PRKCI: variants seen among roughly 807,000 people sequenced by gnomAD.
The protein encoded by PRKCI is protein kinase C iota, also known as protein kinase C iota type.
Under a neutral mutation model 84.0 loss-of-function variants are expected in PRKCI, and 43 were observed. That is an observed-to-expected ratio of 0.51 (90% CI 0.40 to 0.66). The LOEUF (loss-of-function observed/expected upper bound fraction) is 0.66, where lower values mean the gene tolerates loss of function less well. PRKCI is among the 30% of genes least tolerant of loss of function. The pLI is 0.00. For synonymous variants in PRKCI, 216 were observed against 234.4 expected (o/e 0.92, Z 0.72); for missense variants, 459 against 745.6 (o/e 0.62, Z 4.48).
chr3:170,270,326 T>C, intron 5 of PRKCI, 95 bp from the exon 6 acceptor site: 1 of 1,231,198 alleles, frequency 8.1e-7, no homozygotes, highest in South Asian at 2.3e-5. Context: ...GGCTGACAGT[T>C]GACACCGTGA....
intron 3 of PRKCI, among the ~76,000 whole-genome samples, chr3:170,260,516 C>T (rs2108848696): frequency 6.6e-6 from 1 of 152,270 alleles, no homozygotes; most frequent in Non-Finnish European, 1.5e-5. Flanking sequence ...GGTTGGAGTA[C>T]AGTGGTATGA....
chr3:170,273,178 A>G, intron 6 of PRKCI, 108 bp from the exon 7 acceptor site: 1 of 892,430 alleles, frequency 1.1e-6, no homozygotes, highest in Non-Finnish European at 1.8e-6. Context: ...CTTAAGTTAT[A>G]TTCTTTCAAA....
chr3:170,230,741 C>T (rs1302188153), intron 1 of PRKCI, among the ~76,000 whole-genome samples: 3 of 152,032 alleles, frequency 2.0e-5, no homozygotes, highest in African/African-American at 4.8e-5. Context: ...TATTCTAATA[C>T]CATTATTGGG....
intron 11 of PRKCI, 29 bp from the exon 12 acceptor site, chr3:170,284,432 C>T (rs761984786): frequency 3.9e-5 from 58 of 1,502,894 alleles, no homozygotes; most frequent in Non-Finnish European, 5.1e-5. Context: ...ATGGTTGAAT[C>T]AAATGACTTA....
intron 1 of PRKCI, among the ~76,000 whole-genome samples, chr3:170,232,147 C>T (rs1732814715): frequency 6.6e-6 from 1 of 152,034 alleles, no homozygotes; most frequent in Non-Finnish European, 1.5e-5. Context: ...ACTGCCCAGG[C>T]TCACGCAGTC....
chr3:170,284,690 A>G, intron 12 of PRKCI, 94 bp downstream of exon 12: 1 of 1,361,122 alleles, frequency 7.3e-7, no homozygotes, highest in Non-Finnish European at 1.0e-6. Flanking sequence ...AATGATTACT[A>G]ATTTTGCTAA....
intron 12 of PRKCI, among the ~76,000 whole-genome samples, chr3:170,286,173 C>T (rs1734384475): frequency 6.6e-6 from 1 of 151,504 alleles, no homozygotes; most frequent in East Asian, 1.9e-4. Context: ...GTGATCCACC[C>T]GCCTCAGCCT....
In PRKCI at chr3:170,263,366, T is replaced by G; in HGVS notation, c.314-13T>G. The G allele has an allele frequency of 1.9e-6, 3 of 1,591,832 alleles. No individual in the cohort carries two copies. The highest frequency in any genetic ancestry group is 1.7e-4 in the Middle Eastern group (1 of 6,020). ...AATATGCTGTTAACTCATGTTCGTT[T>G]ATTTTCTTTCAGTGTTCCCTTGTGT... On this transcript the variant is annotated splice_polypyrimidine_tract_variant and intron_variant, in intron 3 of 17. Coordinates refer to ENST00000295797, the MANE Select transcript of PRKCI (RefSeq NM_002740.6).
At chr3:170,295,543 G>A (rs1399742722) in intron 14 of PRKCI, among the ~76,000 whole-genome samples, 1 of 151,936 alleles carries the variant, frequency 6.6e-6, no homozygotes, top group Admixed American at 6.6e-5. Flanking sequence ...GGGCATAGTG[G>A]CACACGCCTG....
intron 1 of PRKCI, among the ~76,000 whole-genome samples, chr3:170,232,479 T>G (rs1732826237): frequency 6.6e-6 from 1 of 152,064 alleles, no homozygotes; most frequent in South Asian, 2.1e-4. Context: ...TGCACTTATT[T>G]AGTCTTCATG....
chr3:170,285,105 G>C (rs1459196067), intron 12 of PRKCI, among the ~76,000 whole-genome samples: 1 of 148,452 alleles, frequency 6.7e-6, no homozygotes, highest in Middle Eastern at 3.5e-3. Flanking sequence ...TTTGAGACAG[G>C]GTCTTGCTCT....
At chr3:170,260,957 T>G (rs188338809) in intron 3 of PRKCI, among the ~76,000 whole-genome samples, 10 of 152,138 alleles carry the variant, frequency 6.6e-5, no homozygotes, top group East Asian at 5.8e-4. Context: ...AAAACTTTTT[T>G]TTTGTTTGTT....
chr3:170,267,233 A>AT (rs1013416005), intron 4 of PRKCI, among the ~76,000 whole-genome samples: 1 of 151,602 alleles, frequency 6.6e-6, no homozygotes, highest in African/African-American at 2.4e-5. Context: ...AAAAAAAAGT[A>AT]TTTTTTTTGT....
intron 2 of PRKCI, among the ~76,000 whole-genome samples, chr3:170,243,558 G>A (rs547447612): frequency 2.2e-4 from 34 of 152,210 alleles, no homozygotes; most frequent in African/African-American, 8.2e-4. Flanking sequence ...TCATGTGGTA[G>A]GTATATATGC....
At position 170,232,630 on chromosome 3, in the gene PRKCI, G is replaced by C. The variant is rs117535783; in HGVS notation, c.102-2600G>C. Among the ~76,000 whole-genome samples the C allele has an allele frequency of 1.6e-3, 245 of 151,266 alleles. 5 individuals carry two copies. The East Asian group carries it at 0.04, about 25-fold the overall frequency. On this transcript the variant is annotated intron_variant, in intron 1 of 17. Coordinates refer to ENST00000295797, the MANE Select transcript of PRKCI (RefSeq NM_002740.6). ...CGCCCAAGCTGAAGTCCAATGGCTC[G>C]ATCATGGCTCACTGCAGCCTTGAAC...
At chr3:170,245,957 T>TGTTTG (rs200509231) in intron 2 of PRKCI, among the ~76,000 whole-genome samples, 6 of 141,396 alleles carry the variant, frequency 4.2e-5, no homozygotes, top group Admixed American at 6.9e-5. Flanking sequence ...TTGTTTTTTT[T>TGTTTG]TTTTTTTTTT....
At chr3:170,236,864 CAAA>C (rs11392753) in intron 2 of PRKCI, among the ~76,000 whole-genome samples, 5 of 125,620 alleles carry the variant, frequency 4.0e-5, no homozygotes, top group Non-Finnish European at 4.9e-5. Context: ...GACCCTGTCT[CAAA>C]AAAAAAAAAA....
intron 2 of PRKCI, among the ~76,000 whole-genome samples, chr3:170,251,348 A>G (rs1320401159): frequency 6.6e-6 from 1 of 152,212 alleles, no homozygotes; most frequent in Non-Finnish European, 1.5e-5. Flanking sequence ...GAAAGTTTGG[A>G]AAGAGAAGAC....
chr3:170,274,081 A>G (rs1233703643), intron 7 of PRKCI, among the ~76,000 whole-genome samples: 1 of 152,184 alleles, frequency 6.6e-6, no homozygotes, highest in Non-Finnish European at 1.5e-5. Flanking sequence ...TCCATAATGA[A>G]AAACATGAGG....
Sources: gnomAD v4.1 joint callset for allele counts (sites outside exome capture counted in the v4.1 genomes callset) on GRCh38, gnomAD v4.1.1 for gene constraint, MANE v1.5 for transcripts, NCBI Gene and HGNC (gene_info 2026-07-23, HGNC 2026-07-21) for gene names.